The following TTLL11 variants were observed in gnomAD, a reference collection of about 807,000 sequenced individuals.
TTLL11 encodes tubulin tyrosine ligase like 11, also known as tubulin polyglutamylase TTLL11.
TTLL11 carries 42 observed loss-of-function variants against 51.7 expected under a neutral mutation model. That is an observed-to-expected ratio of 0.81 (90% CI 0.64 to 1.05). The LOEUF is 1.05. TTLL11 is among the 50% of genes least tolerant of loss of function. The pLI, the probability that TTLL11 is intolerant of heterozygous loss-of-function variation, is 0.00. For missense variants in TTLL11, 799 were observed against 940.4 expected (o/e 0.85, Z 1.97); for synonymous variants, 381 against 383.5 (o/e 0.99, Z 0.08).
At chr9:121,955,787 A>T (rs115517669) in intron 6 of TTLL11, among the ~76,000 whole-genome samples, 195 of 152,344 alleles carry the variant, frequency 1.3e-3, no homozygotes, top group African/African-American at 4.4e-3. Flanking sequence ...TTCTTGATAA[A>T]GGCCTTCGAC....
At chr9:122,085,971 T>C (rs1448245367) in intron 1 of TTLL11, among the ~76,000 whole-genome samples, 2 of 152,238 alleles carry the variant, frequency 1.3e-5, no homozygotes, top group Non-Finnish European at 2.9e-5. Flanking sequence ...TAAACAGTGG[T>C]CGATTACTTT....
intron 6 of TTLL11, among the ~76,000 whole-genome samples, chr9:121,943,564 A>T (rs10985460): frequency 0.21 from 31,722 of 152,156 alleles, 3,444 homozygotes; most frequent in Middle Eastern, 0.24. Context: ...CATTTCTCAG[A>T]TCTTCATGGT....
At chr9:121,936,841 C>T (rs1054709452) in intron 6 of TTLL11, among the ~76,000 whole-genome samples, 5 of 152,190 alleles carry the variant, frequency 3.3e-5, no homozygotes, top group African/African-American at 9.6e-5. Flanking sequence ...TTGACTACAT[C>T]ACTATGTGGG....
intron 6 of TTLL11, among the ~76,000 whole-genome samples, chr9:121,931,560 TGGTAAAA>T (rs1761593854): frequency 2.5e-5 from 3 of 119,592 alleles, no homozygotes; most frequent in Non-Finnish European, 5.0e-5. Context: ...CTGATCAACA[TGGTAAAA>T]CCCTGTTTCT....
intron 3 of TTLL11, among the ~76,000 whole-genome samples, chr9:122,005,273 A>G (rs544745177): frequency 1.7e-3 from 260 of 152,210 alleles, no homozygotes; most frequent in Non-Finnish European, 2.8e-3. Context: ...TCCAACCCCT[A>G]AGATTAGGTT....
At position 121,820,427 on chromosome 9, in the gene TTLL11, G is replaced by A. The variant is rs1836542570; in HGVS notation, c.*2160C>T. Reference sequence around the variant, plus strand: ...TCCATTTGTTCTGCCAAAGGGGACTGGGAGAGCTGCATGGGGGCTTCAAAC... The same window carrying A: ...TCCATTTGTTCTGCCAAAGGGGACTAGGAGAGCTGCATGGGGGCTTCAAAC... On this transcript the variant is annotated 3_prime_UTR_variant, in exon 9 of 9. Coordinates refer to ENST00000321582, the MANE Select transcript of TTLL11 (RefSeq NM_001139442.2). 6.6e-6 allele frequency among the ~76,000 whole-genome samples: 1 copy of A among 152,180 alleles called. No homozygotes were observed. Among genetic ancestry groups the A allele is most frequent in the Non-Finnish European group, 1.5e-5 (1 of 68,030 alleles).
intron 1 of TTLL11, among the ~76,000 whole-genome samples, chr9:122,052,990 A>G (rs1168352526): frequency 1.3e-5 from 2 of 152,222 alleles, no homozygotes; most frequent in Non-Finnish European, 2.9e-5. Flanking sequence ...AATTAGTCCA[A>G]TTAGAGAATA....
At chr9:121,979,408 T>C (rs2131669549) in intron 4 of TTLL11, among the ~76,000 whole-genome samples, 1 of 152,340 alleles carries the variant, frequency 6.6e-6, no homozygotes, top group Non-Finnish European at 1.5e-5. Flanking sequence ...ATTTGTTGTT[T>C]TAAGCTGTTA....
chr9:122,065,286 T>C (rs1420997449), intron 1 of TTLL11, among the ~76,000 whole-genome samples: 1 of 151,520 alleles, frequency 6.6e-6, no homozygotes, highest in East Asian at 1.9e-4. Flanking sequence ...CTCGAAGTAA[T>C]TTAGCCTCGC....
chr9:121,822,980 C>G lies in TTLL11; in HGVS notation c.1841-101G>C, dbSNP rs992513026. The G allele has an allele frequency of 2.3e-6, 3 of 1,298,424 alleles. No individual in the cohort carries two copies. Among genetic ancestry groups the G allele is most frequent in the East Asian group, 5.2e-5 (2 of 38,622 alleles). The allele number at this position is 1,298,424 out of a possible 1,614,324, so 80.4% of individuals were successfully genotyped here. ...CAAGGATGTCAGCAAGAGCTAGCCCCGCTCCCCACCACCGTCTCCATTCCA... is the reference window on the plus strand; with the variant it reads ...CAAGGATGTCAGCAAGAGCTAGCCCGGCTCCCCACCACCGTCTCCATTCCA... On this transcript the variant is annotated intron_variant, in intron 8 of 8. Coordinates refer to ENST00000321582, the MANE Select transcript of TTLL11 (RefSeq NM_001139442.2). The surrounding 1 kb of genome is among the most constrained non-coding windows in gnomAD (Gnocchi z 5.8).
chr9:122,024,182 T>C (rs540017776), intron 3 of TTLL11, among the ~76,000 whole-genome samples: 1 of 152,002 alleles, frequency 6.6e-6, no homozygotes, highest in Non-Finnish European at 1.5e-5. Context: ...AGTTTAAAAA[T>C]AAAACACTGC....
At chr9:121,889,999 G>T (rs868226480) in intron 6 of TTLL11, among the ~76,000 whole-genome samples, 1 of 152,056 alleles carries the variant, frequency 6.6e-6, no homozygotes, top group Non-Finnish European at 1.5e-5. Flanking sequence ...ATGTCCTAAG[G>T]GTTCATCTAT....
chr9:121,859,876 AG>A (rs1230889953), intron 8 of TTLL11, among the ~76,000 whole-genome samples: 2 of 152,124 alleles, frequency 1.3e-5, no homozygotes, highest in Non-Finnish European at 2.9e-5. Flanking sequence ...CTGGATGAGG[AG>A]CTCCTCCGCT....
intron 6 of TTLL11, among the ~76,000 whole-genome samples, chr9:121,900,149 C>T (rs894696038): frequency 2.0e-5 from 3 of 152,196 alleles, no homozygotes; most frequent in Non-Finnish European, 4.4e-5. Flanking sequence ...GCCTCTGGAC[C>T]TAAATTTAGC....
intron 6 of TTLL11, among the ~76,000 whole-genome samples, chr9:121,910,275 C>T (rs555505469): frequency 5.4e-4 from 82 of 152,112 alleles, no homozygotes; most frequent in Non-Finnish European, 9.6e-4. Context: ...TGTGAATGAC[C>T]TTGGTAAGTC....
At chr9:122,057,643 T>C (rs1368521576) in intron 1 of TTLL11, among the ~76,000 whole-genome samples, 1 of 152,186 alleles carries the variant, frequency 6.6e-6, no homozygotes, top group African/African-American at 2.4e-5. Flanking sequence ...CCACTTTTAA[T>C]TGAAGTAAAA....
At chr9:121,844,294 A>G (rs1480350226) in intron 8 of TTLL11, among the ~76,000 whole-genome samples, 1 of 151,964 alleles carries the variant, frequency 6.6e-6, no homozygotes, top group East Asian at 1.9e-4. Flanking sequence ...CAATAGGGAG[A>G]GAAAAAAAAA....
At chr9:121,966,144 T>C (rs1179197602) in intron 6 of TTLL11, among the ~76,000 whole-genome samples, 4 of 152,180 alleles carry the variant, frequency 2.6e-5, no homozygotes, top group Non-Finnish European at 4.4e-5. Context: ...ACTCCTCTCT[T>C]TACAGCAAAC....
intron 1 of TTLL11, among the ~76,000 whole-genome samples, chr9:122,073,124 G>A (rs1221965616): frequency 6.6e-6 from 1 of 152,054 alleles, no homozygotes; most frequent in Non-Finnish European, 1.5e-5. Context: ...AAAATCTGGT[G>A]GGAGGCCAGG....
Sources: allele counts gnomAD v4.1 joint callset (sites outside exome capture counted in the v4.1 genomes callset), GRCh38; gene constraint gnomAD v4.1.1; non-coding constraint Gnocchi (gnomAD v3.1); transcripts MANE v1.5; gene names NCBI Gene and HGNC (gene_info 2026-07-23, HGNC 2026-07-21).